PLCL2: variants seen among roughly 807,000 people sequenced by gnomAD.
PLCL2 encodes the protein phospholipase C like 2, also known as inactive phospholipase C-like protein 2.
In PLCL2, 4 loss-of-function variants were observed where a neutral mutation model predicts 79.6. The ratio of observed to expected loss-of-function variants is 0.05; its 90% confidence interval spans 0.02 to 0.11. The LOEUF is 0.11. Ranked by LOEUF, PLCL2 falls within the 10% of genes least tolerant of loss-of-function variation. The probability of loss-of-function intolerance (pLI) is 1.00; values close to 1 mark genes in which losing one functional copy is unlikely to be tolerated. For missense variants in PLCL2, 895 were observed against 1,291.0 expected (o/e 0.69, Z 4.70); for synonymous variants, 484 against 457.7 (o/e 1.06, Z -0.73).
chr3:16,894,104 G>T (rs1165962305), intron 1 of PLCL2, among the ~76,000 whole-genome samples: 1 of 151,908 alleles, frequency 6.6e-6, no homozygotes, highest in African/African-American at 2.4e-5. Flanking sequence ...CTCTCCATAT[G>T]GTTTCCTGCT....
At chr3:17,068,517 C>G (rs2065031857) in intron 5 of PLCL2, among the ~76,000 whole-genome samples, 1 of 152,042 alleles carries the variant, frequency 6.6e-6, no homozygotes, top group African/African-American at 2.4e-5. Context: ...GGAGCATAAT[C>G]AAAGGAAATA....
At chr3:17,030,778 C>T (rs577230552) in intron 3 of PLCL2, among the ~76,000 whole-genome samples, 1 of 152,260 alleles carries the variant, frequency 6.6e-6, no homozygotes, top group African/African-American at 2.4e-5. Context: ...CAATTGCTTT[C>T]CTCTTTCAAC....
rs1465530437 is a variant in PLCL2, at chr3:16,893,460, G to A, written c.327+8094G>A. ...AGTATATTTTTGGAGTGTGCTAAAT[G>A]TACTGATTTGGATATTGCAGATATT... On this transcript the variant is annotated intron_variant, in intron 1 of 5. Transcript: ENST00000615277. Among the ~76,000 whole-genome samples, 5 of 152,128 alleles carry A rather than the reference G, an allele frequency of 3.3e-5. No individual in the cohort carries two copies. The South Asian group carries it at 6.2e-4, about 19-fold the overall frequency.
intron 1 of PLCL2, among the ~76,000 whole-genome samples, chr3:16,971,253 A>T (rs2063864514): frequency 6.6e-6 from 1 of 151,998 alleles, no homozygotes. Flanking sequence ...GGTGTAAGGA[A>T]GGGATCCAGT....
chr3:16,968,433 T>A (rs1051099334), intron 1 of PLCL2, among the ~76,000 whole-genome samples: 8 of 152,150 alleles, frequency 5.3e-5, no homozygotes, highest in African/African-American at 1.7e-4. Flanking sequence ...GTTTGTGTCA[T>A]CTCTGATTTC....
At chr3:16,894,344 G>A (rs1013886913) in intron 1 of PLCL2, among the ~76,000 whole-genome samples, 6 of 152,172 alleles carry the variant, frequency 3.9e-5, no homozygotes, top group African/African-American at 9.7e-5. Flanking sequence ...GTCTTCATCT[G>A]TGGAGTATTT....
intron 1 of PLCL2, among the ~76,000 whole-genome samples, chr3:17,006,159 G>A (rs2064258554): frequency 6.6e-6 from 1 of 152,154 alleles, no homozygotes; most frequent in South Asian, 2.1e-4. Flanking sequence ...TTACAAGGCA[G>A]CATAAACAAT....
At chr3:16,907,638 T>A (rs1696781223) in intron 1 of PLCL2, among the ~76,000 whole-genome samples, 2 of 152,292 alleles carry the variant, frequency 1.3e-5, no homozygotes, top group South Asian at 4.1e-4. Context: ...CTATTGGCCT[T>A]AGTTTCCTTA....
chr3:16,943,968 A>G (rs1215296226), intron 1 of PLCL2, among the ~76,000 whole-genome samples: 1 of 152,116 alleles, frequency 6.6e-6, no homozygotes, highest in African/African-American at 2.4e-5. Flanking sequence ...ACTTTTTATT[A>G]CATATGGTTT....
chr3:17,011,838 T>C lies in PLCL2; in HGVS notation c.2492T>C (p.Val831Ala). 6.2e-7 allele frequency: 1 copy of C among 1,614,238 alleles called. No homozygotes were observed. Reference protein sequence around the residue: ...LPELAMVRFVVLDDDYIGDEF... With the variant: ...LPELAMVRFVALDDDYIGDEF... ...GAACTGGCCATGGTGCGCTTTGTAG[T>C]GCTGGATGATGACTACATTGGGGAT... is the stretch of plus-strand genomic sequence containing the variant. Residue 831 changes from valine to alanine, a missense_variant, in exon 2 of 6, where the codon GTG becomes GCG. Physicochemically the swap from Val to Ala is moderately conservative, Grantham distance 64. Coordinates refer to ENST00000615277, the MANE Select transcript of PLCL2 (RefSeq NM_001144382.2). The surrounding 1 kb of genome is among the most constrained non-coding windows in gnomAD (Gnocchi z 7.9).
intron 1 of PLCL2, among the ~76,000 whole-genome samples, chr3:16,938,283 A>C (rs1178754012): frequency 6.6e-6 from 1 of 152,224 alleles, no homozygotes; most frequent in East Asian, 1.9e-4. Flanking sequence ...GCAGTTTTAA[A>C]GGGCTATAAA....
intron 1 of PLCL2, among the ~76,000 whole-genome samples, chr3:16,912,592 T>C (rs1696907182): frequency 6.6e-6 from 1 of 152,216 alleles, no homozygotes; most frequent in Admixed American, 6.5e-5. Context: ...CTGAGACTGA[T>C]TCAGTTGTGC....
In PLCL2 at chr3:17,011,801, A is replaced by G. The variant is rs748045268; in HGVS notation, c.2455A>G (p.Ile819Val). The G allele has an allele frequency of 5.0e-6, 8 of 1,614,114 alleles. No individual in the cohort carries two copies. In the South Asian group the frequency reaches 5.5e-5, roughly 11 times the overall value. Residue 819 changes from isoleucine to valine, a missense_variant, in exon 2 of 6, where the codon ATC becomes GTC. Around this residue, in one of 6 missense-constraint regions of PLCL2, gnomAD observed 298 missense variants for 459.6 expected, o/e 0.65. Coordinates refer to ENST00000615277, the MANE Select transcript of PLCL2 (RefSeq NM_001144382.2). This position sits in a 1 kb window ranked among gnomAD's most constrained non-coding sequence, Gnocchi z 7.9. ...PIFDESFEFQINLPELAMVRF... is the reference protein window; with the variant it reads ...PIFDESFEFQVNLPELAMVRF... ...TTTTGATGAAAGCTTTGAATTTCAA[A>G]TCAACCTGCCTGAACTGGCCATGGT... is the stretch of plus-strand genomic sequence containing the variant.
chr3:16,981,106 G>C (rs2063991482), intron 1 of PLCL2, among the ~76,000 whole-genome samples: 1 of 152,140 alleles, frequency 6.6e-6, no homozygotes. Context: ...GCTTCGGCTC[G>C]GCATCAGAGG....
chr3:16,936,129 A>G (rs950547135), intron 1 of PLCL2, among the ~76,000 whole-genome samples: 12 of 152,360 alleles, frequency 7.9e-5, no homozygotes, highest in Non-Finnish European at 5.9e-5. Flanking sequence ...CAAAGCCTCA[A>G]AATGACTTAA....
intron 1 of PLCL2, among the ~76,000 whole-genome samples, chr3:16,928,288 C>T (rs1344151743): frequency 6.6e-6 from 1 of 152,176 alleles, no homozygotes; most frequent in Non-Finnish European, 1.5e-5. Flanking sequence ...AGTAGATGAG[C>T]TGAGTCCATG....
intron 1 of PLCL2, among the ~76,000 whole-genome samples, chr3:16,893,040 A>G (rs980465567): frequency 1.3e-5 from 2 of 152,218 alleles, no homozygotes; most frequent in Non-Finnish European, 2.9e-5. Context: ...ATAGACAACT[A>G]ATTTTTAATG....
At chr3:16,940,817 A>G (rs1357505360) in intron 1 of PLCL2, among the ~76,000 whole-genome samples, 2 of 152,238 alleles carry the variant, frequency 1.3e-5, no homozygotes, top group African/African-American at 2.4e-5. Context: ...TGTGATGAGT[A>G]TGTGATATAT....
intron 1 of PLCL2, among the ~76,000 whole-genome samples, chr3:16,992,666 C>T (rs2064116463): frequency 6.6e-6 from 1 of 152,194 alleles, no homozygotes; most frequent in African/African-American, 2.4e-5. Context: ...AGCAGGTGGC[C>T]ACATTGTCCT....
Sources: gnomAD v4.1 joint callset for allele counts (sites outside exome capture counted in the v4.1 genomes callset) on GRCh38, gnomAD v4.1.1 for gene constraint, gnomAD v4.1.1 regional missense constraint, Gnocchi (gnomAD v3.1) non-coding constraint, MANE v1.5 for transcripts, NCBI Gene and HGNC (gene_info 2026-07-23, HGNC 2026-07-21) for gene names.